Variants in ACER3 observed in about 807,000 individuals in gnomAD.
The protein encoded by ACER3 is alkaline ceramidase 3, also known as alkCDase 3.
In ACER3, 16 loss-of-function variants were observed where a neutral mutation model predicts 48.9. The ratio of observed to expected loss-of-function variants is 0.33; its 90% CI spans 0.22 to 0.50. The LOEUF is 0.50. ACER3 is among the 20% of genes least tolerant of loss of function. The pLI, the probability that ACER3 is intolerant of heterozygous loss-of-function variation, is 0.98. For missense variants in ACER3, 227 were observed against 326.0 expected (o/e 0.70, Z 2.34); for synonymous variants, 109 against 107.8 (o/e 1.01, Z -0.07).
intron 1 of ACER3, among the ~76,000 whole-genome samples, chr11:76,871,606 C>G (rs1226449083): frequency 1.3e-5 from 2 of 152,086 alleles, no homozygotes; most frequent in African/African-American, 4.8e-5. Context: ...TTTTAGAGAC[C>G]AAGGTTCTTA....
chr11:77,002,030 C>G (rs1949042870), intron 7 of ACER3, among the ~76,000 whole-genome samples: 4 of 152,076 alleles, frequency 2.6e-5, no homozygotes, highest in Admixed American at 2.6e-4. Context: ...TCTGTGCATG[C>G]CTGGGTCTGA....
chr11:76,861,193 C>G (rs1944928809), intron 1 of ACER3, 114 bp downstream of exon 1: 1 of 1,097,972 alleles, frequency 9.1e-7, no homozygotes, highest in Admixed American at 2.4e-5. Context: ...AGGCCTGGCC[C>G]CGGGAGCTGG....
chr11:76,989,035 TA>T (rs11286353), intron 5 of ACER3, among the ~76,000 whole-genome samples: 90,672 of 151,996 alleles, frequency 0.6, 30,720 homozygotes, highest in Non-Finnish European at 0.76. Flanking sequence ...TTATTTGCTT[TA>T]AAAAATGTCT....
chr11:76,881,270 AAG>A (rs1207524315), intron 1 of ACER3, among the ~76,000 whole-genome samples: 3 of 151,528 alleles, frequency 2.0e-5, no homozygotes, highest in Non-Finnish European at 4.4e-5. Flanking sequence ...AAAAAAAAAA[AAG>A]TAGAATTCCC....
intron 7 of ACER3, among the ~76,000 whole-genome samples, chr11:77,001,444 G>A (rs1555019792): frequency 6.6e-6 from 1 of 152,086 alleles, no homozygotes; most frequent in Non-Finnish European, 1.5e-5. Flanking sequence ...TTTTAGTAGA[G>A]ACGGAGTTTC....
intron 4 of ACER3, among the ~76,000 whole-genome samples, chr11:76,981,689 G>T (rs976045225): frequency 1.3e-5 from 2 of 152,112 alleles, no homozygotes; most frequent in Non-Finnish European, 2.9e-5. Flanking sequence ...AATATTTTTT[G>T]AGGGCACTAA....
At chr11:76,933,691 C>G (rs1290396517) in intron 2 of ACER3, among the ~76,000 whole-genome samples, 1 of 152,256 alleles carries the variant, frequency 6.6e-6, no homozygotes, top group African/African-American at 2.4e-5. Flanking sequence ...TCTTTCTACA[C>G]AGACACAGCA....
At chr11:77,015,241 G>A (rs1351053053) in intron 8 of ACER3, 124 bp downstream of exon 8, 1 of 615,232 alleles carries the variant, frequency 1.6e-6, no homozygotes, top group South Asian at 2.1e-5. Context: ...ACATTTAAAA[G>A]ATATATACAG....
chr11:76,891,122 A>G (rs1410031726), intron 1 of ACER3, among the ~76,000 whole-genome samples: 1 of 151,834 alleles, frequency 6.6e-6, no homozygotes, highest in Non-Finnish European at 1.5e-5. Context: ...GTCTAAAAAA[A>G]AAAAATTATT....
At chr11:76,972,182 G>A (rs890139801) in intron 3 of ACER3, among the ~76,000 whole-genome samples, 1 of 152,166 alleles carries the variant, frequency 6.6e-6, no homozygotes, top group African/African-American at 2.4e-5. Flanking sequence ...GGAACTGCCA[G>A]GCTGTTTTTG....
At chr11:76,911,383 T>A (rs1302686294) in intron 1 of ACER3, among the ~76,000 whole-genome samples, 3 of 152,134 alleles carry the variant, frequency 2.0e-5, no homozygotes, top group African/African-American at 7.2e-5. Flanking sequence ...TCTTTTCGCA[T>A]GCTAATGCAT....
intron 1 of ACER3, among the ~76,000 whole-genome samples, chr11:76,880,239 A>T (rs922133889): frequency 2.0e-5 from 3 of 152,172 alleles, no homozygotes; most frequent in African/African-American, 7.2e-5. Context: ...CGGAAGCTTA[A>T]AACACTGATT....
intron 1 of ACER3, among the ~76,000 whole-genome samples, chr11:76,889,012 GTCT>G (rs1050550608): frequency 3.0e-4 from 46 of 152,254 alleles, no homozygotes; most frequent in African/African-American, 1.1e-3. Flanking sequence ...AAGGCCAGTG[GTCT>G]TCTTGTTCCT....
At chr11:76,913,151 C>T (rs1306829721) in intron 1 of ACER3, among the ~76,000 whole-genome samples, 1 of 152,038 alleles carries the variant, frequency 6.6e-6, no homozygotes, top group East Asian at 1.9e-4. Context: ...GGAATTCACT[C>T]ATGATTTGGC....
chr11:76,996,280 T>C (rs1237128339), intron 6 of ACER3, among the ~76,000 whole-genome samples: 1 of 152,118 alleles, frequency 6.6e-6, no homozygotes, highest in Non-Finnish European at 1.5e-5. Context: ...CACGTTATCA[T>C]TGGTCTGTTT....
intron 1 of ACER3, among the ~76,000 whole-genome samples, chr11:76,914,523 A>T (rs570833058): frequency 1.3e-5 from 2 of 152,306 alleles, no homozygotes; most frequent in African/African-American, 4.8e-5. Flanking sequence ...TAGAATGGCG[A>T]TCATTAAAAA....
chr11:76,943,483 T>C (rs1947391537), intron 2 of ACER3, among the ~76,000 whole-genome samples: 1 of 152,046 alleles, frequency 6.6e-6, no homozygotes, highest in East Asian at 1.9e-4. Context: ...GTTCCTTTGG[T>C]AGTGATTTCT....
chr11:76,935,881 G>A (rs1947166620), intron 2 of ACER3, among the ~76,000 whole-genome samples: 1 of 152,086 alleles, frequency 6.6e-6, no homozygotes, highest in Admixed American at 6.5e-5. Flanking sequence ...TACTATATTG[G>A]GCAGTGCAGA....
chr11:76,866,277 G>C (rs1320002007), intron 1 of ACER3, among the ~76,000 whole-genome samples: 2 of 152,014 alleles, frequency 1.3e-5, no homozygotes, highest in Non-Finnish European at 1.5e-5. Flanking sequence ...CATCATTCTT[G>C]GCCAATTCTC....
Sources: allele counts gnomAD v4.1 joint callset (sites outside exome capture counted in the v4.1 genomes callset), GRCh38; gene constraint gnomAD v4.1.1; transcripts MANE v1.5; gene names NCBI Gene and HGNC (gene_info 2026-07-23, HGNC 2026-07-21).